Variants in PCDH15 observed in about 807,000 individuals in gnomAD.
PCDH15 encodes the protein protocadherin-15.
In PCDH15, 129 loss-of-function variants were observed where a neutral mutation model predicts 178.5. The ratio of observed to expected loss-of-function variants is 0.72; its 90% CI spans 0.63 to 0.84. The LOEUF (loss-of-function observed/expected upper bound fraction) is 0.84, where lower values mean the gene tolerates loss of function less well. Ranked by LOEUF, PCDH15 falls within the 40% of genes least tolerant of loss-of-function variation. PCDH15 has a pLI of 0.00. For missense variants in PCDH15, 2,230 were observed against 2,099.9 expected (o/e 1.06, Z -1.21); for synonymous variants, 800 against 732.0 (o/e 1.09, Z -1.50).
intron 2 of PCDH15, among the ~76,000 whole-genome samples, chr10:54,947,872 C>T (rs1434182076): frequency 6.6e-6 from 1 of 151,802 alleles, no homozygotes; most frequent in Non-Finnish European, 1.5e-5. Context: ...TTCTGCAGCA[C>T]CAAAAATTCT....
intron 1 of PCDH15, among the ~76,000 whole-genome samples, chr10:55,234,581 A>G (rs889421741): frequency 1.3e-5 from 2 of 151,928 alleles, no homozygotes; most frequent in African/African-American, 4.8e-5. Flanking sequence ...GGGTCTCACC[A>G]TGTTGCCGAG....
chr10:54,685,340 A>C (rs531810297), intron 1 of PCDH15, among the ~76,000 whole-genome samples: 74 of 152,318 alleles, frequency 4.9e-4, no homozygotes, highest in African/African-American at 1.7e-3. Flanking sequence ...TACATAAATT[A>C]GTAATATAAT....
intron 6 of PCDH15, among the ~76,000 whole-genome samples, chr10:54,333,433 C>T (rs933647371): frequency 5.9e-5 from 9 of 151,476 alleles, no homozygotes; most frequent in Non-Finnish European, 1.0e-4. Flanking sequence ...AAATTAGAAG[C>T]AAAATATAGA....
chr10:54,619,094 T>C (rs1246202887), intron 2 of PCDH15: 2 of 152,034 alleles, frequency 1.3e-5, no homozygotes, highest in Non-Finnish European at 2.9e-5. Flanking sequence ...TCAATATTAA[T>C]AGTTAAGAAC....
intron 8 of PCDH15, among the ~76,000 whole-genome samples, chr10:54,286,962 T>A (rs2059067369): frequency 6.6e-6 from 1 of 152,192 alleles, no homozygotes; most frequent in South Asian, 2.1e-4. Flanking sequence ...ATTTTCTCAT[T>A]CTCTTTTGCT....
intron 10 of PCDH15, among the ~76,000 whole-genome samples, chr10:54,204,047 TA>T (rs1425221608): frequency 1.3e-5 from 2 of 152,350 alleles, no homozygotes; most frequent in African/African-American, 4.8e-5. Context: ...TCAACCAATT[TA>T]TTTTTTGGCA....
chr10:55,498,408 T>C (rs1350007785), intron 2 of PCDH15, among the ~76,000 whole-genome samples: 1 of 151,888 alleles, frequency 6.6e-6, no homozygotes, highest in Non-Finnish European at 1.5e-5. Context: ...AGCATCCACA[T>C]TTTATAAAGT....
chr10:54,219,024 C>A (rs527872531), intron 9 of PCDH15, among the ~76,000 whole-genome samples: 1 of 142,648 alleles, frequency 7.0e-6, no homozygotes, highest in South Asian at 2.3e-4. Flanking sequence ...GAGGCCGAGG[C>A]GGGAGGATCA....
chr10:55,287,772 T>C (rs1842908117), intron 1 of PCDH15, among the ~76,000 whole-genome samples: 1 of 151,952 alleles, frequency 6.6e-6, no homozygotes, highest in South Asian at 2.1e-4. Flanking sequence ...GGAAGTGAAT[T>C]GTAAAATGTG....
intron 2 of PCDH15, among the ~76,000 whole-genome samples, chr10:55,051,800 C>G (rs1484875755): frequency 6.6e-6 from 1 of 152,156 alleles, no homozygotes; most frequent in Admixed American, 6.5e-5. Flanking sequence ...GTTTCTCACA[C>G]TTGATTGTGA....
intron 13 of PCDH15, among the ~76,000 whole-genome samples, chr10:54,166,059 T>C (rs2046195875): frequency 6.6e-6 from 1 of 152,236 alleles, no homozygotes; most frequent in African/African-American, 2.4e-5. Context: ...AAGCAAATCT[T>C]TGAGCATTCA....
At chr10:54,602,133 A>C (rs1811199721) in intron 2 of PCDH15, among the ~76,000 whole-genome samples, 1 of 151,996 alleles carries the variant, frequency 6.6e-6, no homozygotes. Context: ...TAAACCTAAA[A>C]GTTTTCTAAA....
intron 2 of PCDH15, among the ~76,000 whole-genome samples, chr10:55,554,668 C>T (rs967241821): frequency 2.0e-5 from 3 of 151,990 alleles, no homozygotes; most frequent in African/African-American, 7.2e-5. Context: ...TGCAGGACTT[C>T]AGTTTATGTG....
At chr10:55,118,170 A>T (rs1837673200) in intron 2 of PCDH15, among the ~76,000 whole-genome samples, 1 of 152,198 alleles carries the variant, frequency 6.6e-6, no homozygotes, top group Admixed American at 6.5e-5. Context: ...GACAAATATT[A>T]TCTTAACCAA....
intron 2 of PCDH15, among the ~76,000 whole-genome samples, chr10:54,932,093 C>G (rs183444713): frequency 1.5e-3 from 223 of 152,294 alleles, no homozygotes; most frequent in Middle Eastern, 0.01. Context: ...GTATTTACTA[C>G]AGCATACTTT....
At chr10:53,994,021 T>G (rs903456144) in intron 21 of PCDH15, among the ~76,000 whole-genome samples, 1 of 152,204 alleles carries the variant, frequency 6.6e-6, no homozygotes, top group Non-Finnish European at 1.5e-5. Flanking sequence ...GAAATTTAAA[T>G]CTGGCAATTT....
chr10:54,554,923 A>G (rs1215428331), intron 2 of PCDH15, among the ~76,000 whole-genome samples: 2 of 152,202 alleles, frequency 1.3e-5, no homozygotes, highest in Non-Finnish European at 2.9e-5. Context: ...TCCTCAATTT[A>G]TCAAGTATCA....
At chr10:53,917,678 A>C (rs893359287) in intron 25 of PCDH15, among the ~76,000 whole-genome samples, 4 of 152,172 alleles carry the variant, frequency 2.6e-5, no homozygotes, top group Non-Finnish European at 5.9e-5. Context: ...CTAAAAGATA[A>C]GAGAAGAATC....
chr10:54,109,946 C>T (rs970762978), intron 15 of PCDH15, among the ~76,000 whole-genome samples: 1 of 152,036 alleles, frequency 6.6e-6, no homozygotes, highest in African/African-American at 2.4e-5. Flanking sequence ...CAAAATATCT[C>T]AATATCACCC....
Sources: gnomAD v4.1 joint callset for allele counts (sites outside exome capture counted in the v4.1 genomes callset) on GRCh38, gnomAD v4.1.1 for gene constraint, MANE v1.5 for transcripts, NCBI Gene and HGNC (gene_info 2026-07-23, HGNC 2026-07-21) for gene names.